The following ERC2 variants were observed in gnomAD, a reference collection of about 807,000 sequenced individuals.
The protein encoded by ERC2 is ERC protein 2.
A neutral mutation model predicts 114.8 loss-of-function variants in ERC2; 42 were observed. The observed-to-expected ratio is 0.37, with a 90% CI of 0.29 to 0.47. The LOEUF (loss-of-function observed/expected upper bound fraction) is 0.47. Among genes scored for constraint, ERC2 ranks in the 20% least tolerant of loss-of-function variants. ERC2 has a pLI of 0.99. For synonymous variants in ERC2, 454 were observed against 425.5 expected (o/e 1.07, Z -0.82); for missense variants, 939 against 1,150.7 (o/e 0.82, Z 2.66).
intron 15 of ERC2, among the ~76,000 whole-genome samples, chr3:55,722,413 AC>A (rs923778490): frequency 6.6e-6 from 1 of 151,268 alleles, no homozygotes; most frequent in African/African-American, 2.4e-5. Flanking sequence ...CACATGGCTC[AC>A]CCCCCACTTG....
chr3:56,323,467 A>G (rs1007179575), intron 2 of ERC2, among the ~76,000 whole-genome samples: 2 of 152,150 alleles, frequency 1.3e-5, no homozygotes, highest in African/African-American at 2.4e-5. Context: ...TCTTAAACCT[A>G]CTAGGCCCTG....
intron 14 of ERC2, among the ~76,000 whole-genome samples, chr3:55,784,652 C>A (rs1179498764): frequency 1.3e-5 from 2 of 152,192 alleles, no homozygotes; most frequent in African/African-American, 2.4e-5. Context: ...TAATCCCACA[C>A]CCACCCCATT....
At chr3:55,927,683 T>C (rs1158010446) in intron 13 of ERC2, among the ~76,000 whole-genome samples, 1 of 152,188 alleles carries the variant, frequency 6.6e-6, no homozygotes, top group Non-Finnish European at 1.5e-5. Context: ...TATCAAATAC[T>C]AGATCTTATT....
rs142305380 is a variant in ERC2 at position 55,879,697 on chromosome 3, C to G, written c.2564+8692G>C. Among the ~76,000 whole-genome samples, 490 of 152,296 alleles carry G rather than the reference C, an allele frequency of 3.2e-3. 7 individuals carry two copies. The highest frequency in any genetic ancestry group is 0.014 in the East Asian group (72 of 5,182). ...TTTACTGCTAAGTGACATAACATACCAGTTGACCTATTTTTCTTCACACTT... is the reference window on the plus strand; with the variant it reads ...TTTACTGCTAAGTGACATAACATACGAGTTGACCTATTTTTCTTCACACTT... On this transcript the variant is annotated intron_variant, in intron 14 of 17. Coordinates refer to ENST00000288221, the MANE Select transcript of ERC2 (RefSeq NM_015576.3).
rs533443669 is a variant in ERC2, at chr3:56,372,092, A to C, written c.657+62259T>G. On this transcript the variant is annotated intron_variant, in intron 2 of 17. Transcript: ENST00000288221. ...TGATGGGAAAGAGAGTTGCCCCACA[A>C]GAAAATGAGCTAAAGAGTCTGTGGT... 2.0e-5 allele frequency among the ~76,000 whole-genome samples: 3 copies of C among 152,348 alleles called. No individual in the cohort carries two copies. The South Asian group carries it at 6.2e-4, about 32-fold the overall frequency.
At chr3:55,894,053 G>A (rs556581686) in intron 13 of ERC2, among the ~76,000 whole-genome samples, 2 of 152,098 alleles carry the variant, frequency 1.3e-5, no homozygotes, top group Admixed American at 6.5e-5. Flanking sequence ...GCGGAGCAGC[G>A]TAGTGGCTTA....
At chr3:56,346,758 A>G (rs10433622) in intron 2 of ERC2, among the ~76,000 whole-genome samples, 37,129 of 151,940 alleles carry the variant, frequency 0.24, 4,862 homozygotes, top group Non-Finnish European at 0.29. Flanking sequence ...TATAAAGAGA[A>G]GAAATTTATT....
Position 56,454,326 on chromosome 3 carries a change from A to C in ERC2, c.-141+13922T>G, listed in dbSNP as rs530292507. On this transcript the variant is annotated intron_variant, in intron 1 of 17. Transcript: ENST00000288221. ...GCCTATCGATGTCCCTCTGACCTGA[A>C]CATTTTAGAGTGCCCCAAAGGCACT... Among the ~76,000 whole-genome samples the C allele has an allele frequency of 5.9e-5, 9 of 152,284 alleles. No homozygotes were observed. In the East Asian group the frequency reaches 1.7e-3, roughly 29 times the overall value.
At chr3:55,711,066 T>C (rs1420232056) in intron 15 of ERC2, among the ~76,000 whole-genome samples, 1 of 152,188 alleles carries the variant, frequency 6.6e-6, no homozygotes, top group Non-Finnish European at 1.5e-5. Flanking sequence ...ACTCATGTCA[T>C]TGGTTTTGCG....
chr3:55,720,730 G>A (rs924769640), intron 15 of ERC2, among the ~76,000 whole-genome samples: 1 of 152,152 alleles, frequency 6.6e-6, no homozygotes, highest in African/African-American at 2.4e-5. Flanking sequence ...CTTGGTCAGT[G>A]AACAAGTCAT....
chr3:56,208,906 C>T (rs1050619108), intron 3 of ERC2, among the ~76,000 whole-genome samples: 1 of 152,104 alleles, frequency 6.6e-6, no homozygotes, highest in African/African-American at 2.4e-5. Flanking sequence ...CCTCAGACAC[C>T]AACTCCCTTA....
At chr3:56,041,340 G>C (rs1268058040) in intron 7 of ERC2, among the ~76,000 whole-genome samples, 1 of 152,162 alleles carries the variant, frequency 6.6e-6, no homozygotes, top group African/African-American at 2.4e-5. Context: ...GCTAGGGGCA[G>C]AGAGGCTCTA....
chr3:56,004,473 C>A (rs1460234805), intron 10 of ERC2, among the ~76,000 whole-genome samples: 1 of 152,010 alleles, frequency 6.6e-6, no homozygotes, highest in Non-Finnish European at 1.5e-5. Context: ...CATTTGTCAT[C>A]ACAAAGTATT....
chr3:55,769,243 G>C (rs1016804610), intron 14 of ERC2, among the ~76,000 whole-genome samples: 1 of 152,110 alleles, frequency 6.6e-6, no homozygotes, highest in Non-Finnish European at 1.5e-5. Flanking sequence ...TTAGACCTAA[G>C]TGGTTATCAT....
At chr3:55,814,510 T>C (rs1247993825) in intron 14 of ERC2, among the ~76,000 whole-genome samples, 1 of 152,232 alleles carries the variant, frequency 6.6e-6, no homozygotes, top group Non-Finnish European at 1.5e-5. Context: ...TTCTCTACTC[T>C]TCCCTTTCTG....
intron 14 of ERC2, among the ~76,000 whole-genome samples, chr3:55,831,795 G>A (rs948905628): frequency 6.6e-6 from 1 of 152,178 alleles, no homozygotes; most frequent in Non-Finnish European, 1.5e-5. Flanking sequence ...GTCGAAGCAG[G>A]GCGAGGCATT....
intron 17 of ERC2, among the ~76,000 whole-genome samples, chr3:55,638,099 C>T (rs557518431): frequency 2.0e-5 from 3 of 152,182 alleles, no homozygotes; most frequent in African/African-American, 7.2e-5. Flanking sequence ...ACAGTGAGCC[C>T]GCTGGCCCAG....
At chr3:55,585,595 C>A (rs2107584869) in intron 17 of ERC2, among the ~76,000 whole-genome samples, 1 of 152,240 alleles carries the variant, frequency 6.6e-6, no homozygotes, top group Non-Finnish European at 1.5e-5. Context: ...GGGTGTGGCT[C>A]AAAAACAAGC....
chr3:56,158,907 G>A (rs114498490), intron 4 of ERC2, among the ~76,000 whole-genome samples: 157 of 151,810 alleles, frequency 1.0e-3, no homozygotes, highest in African/African-American at 3.5e-3. Flanking sequence ...GTTTGGATCC[G>A]TGTCCCCACC....
Sources: allele counts gnomAD v4.1 joint callset (sites outside exome capture counted in the v4.1 genomes callset), GRCh38; gene constraint gnomAD v4.1.1; transcripts MANE v1.5; gene names NCBI Gene and HGNC (gene_info 2026-07-23, HGNC 2026-07-21).